Variants in ANKDD1A observed in about 807,000 individuals in gnomAD.
The protein encoded by ANKDD1A is ankyrin repeat and death domain-containing protein 1A.
ANKDD1A carries 59 observed loss-of-function variants against 63.5 expected under a neutral mutation model. The observed-to-expected ratio is 0.93, with a 90% confidence interval of 0.75 to 1.15. The LOEUF (loss-of-function observed/expected upper bound fraction) is 1.15, where lower values mean the gene tolerates loss of function less well. Ranked by LOEUF, ANKDD1A falls within the 50% of genes most tolerant of loss-of-function variation. The probability of loss-of-function intolerance (pLI) is 0.00; values close to 1 mark genes in which losing one functional copy is unlikely to be tolerated. For missense variants in ANKDD1A, 632 were observed against 656.4 expected (o/e 0.96, Z 0.41); for synonymous variants, 266 against 263.9 (o/e 1.01, Z -0.08).
chr15:64,936,986 A>G (rs1384055306), intron 9 of ANKDD1A, among the ~76,000 whole-genome samples: 1 of 152,250 alleles, frequency 6.6e-6, no homozygotes, highest in African/African-American at 2.4e-5. Context: ...GCAAATTAAT[A>G]CTACATGGAG....
At chr15:64,941,439 T>G (rs1321855013) in intron 9 of ANKDD1A, among the ~76,000 whole-genome samples, 2 of 152,216 alleles carry the variant, frequency 1.3e-5, no homozygotes, top group East Asian at 3.9e-4. Flanking sequence ...TGCTGTGTTG[T>G]GACATGATGG....
rs551524029 is a variant in ANKDD1A, at chr15:64,956,948, T to C, written c.1484-155T>C. On this transcript the variant is annotated intron_variant, in intron 14 of 14. Coordinates refer to ENST00000319580, the MANE Select transcript of ANKDD1A (RefSeq NM_182703.6). The stretch of plus-strand genomic sequence containing the variant: ...TAGGGAAAAAATAGACAACTTTACC[T>C]ACCACTAAGTTATATTTAATCAGCA... Among the ~76,000 whole-genome samples, 47 of 152,370 alleles carry C rather than the reference T, an allele frequency of 3.1e-4. No individual in the cohort carries two copies. The Middle Eastern group carries it at 0.01, about 33-fold the overall frequency.
chr15:64,914,344 A>G (rs2084954357), intron 1 of ANKDD1A, among the ~76,000 whole-genome samples: 1 of 152,158 alleles, frequency 6.6e-6, no homozygotes, highest in Admixed American at 6.5e-5. Flanking sequence ...TGGAGTGCAG[A>G]GGTGCAATTA....
chr15:64,942,046 A>G (rs1341759138), intron 9 of ANKDD1A, among the ~76,000 whole-genome samples: 1 of 152,156 alleles, frequency 6.6e-6, no homozygotes, highest in African/African-American at 2.4e-5. Flanking sequence ...TCTGTTTGTA[A>G]GATGAAGATA....
Position 64,953,799 on chromosome 15 carries a change from TTCCTTTTTTTCTTC to T in ANKDD1A, c.1484-3302_1484-3289del, listed in dbSNP as rs2085359626. Among the ~76,000 whole-genome samples, 8 of 131,736 alleles carry T rather than the reference TTCCTTTTTTTCTTC, an allele frequency of 6.1e-5. No individual in the cohort carries two copies. The Admixed American group carries it at 6.5e-4, about 11-fold the overall frequency. 86.4% of individuals were successfully genotyped at this position (131,736 alleles called of 152,430 possible). ...CTCTTTTCTTTCTTCTGCTTTCTTC[TTCCTTTTTTTCTTC>T]TTCCTTATTCTTTTCTTCTTTCCTC... is the stretch of plus-strand genomic sequence containing the variant. On this transcript the variant is annotated intron_variant, in intron 14 of 14. Transcript: ENST00000319580.
chr15:64,947,858 C>T (rs919797050), intron 13 of ANKDD1A, among the ~76,000 whole-genome samples: 2 of 152,214 alleles, frequency 1.3e-5, no homozygotes, highest in African/African-American at 4.8e-5. Flanking sequence ...AAACTAAAAC[C>T]ATTCTTGGTA....
chr15:64,955,245 G>A lies in ANKDD1A; in HGVS notation c.1484-1858G>A, dbSNP rs571782523. Among the ~76,000 whole-genome samples, 3 of 152,114 alleles carry A rather than the reference G, an allele frequency of 2.0e-5. No individual in the cohort carries two copies. The South Asian group carries it at 6.2e-4, about 32-fold the overall frequency. On this transcript the variant is annotated intron_variant, in intron 14 of 14. Transcript: ENST00000319580. ...ATGTTTTGTATTTTCAGTAGAGACGGGGTTTCACTGTGTTAGCCAGGATGG... is the reference window on the plus strand; with the variant it reads ...ATGTTTTGTATTTTCAGTAGAGACGAGGTTTCACTGTGTTAGCCAGGATGG...
intron 4 of ANKDD1A, among the ~76,000 whole-genome samples, chr15:64,923,483 A>AT (rs1035139317): frequency 1.1e-4 from 17 of 151,340 alleles, no homozygotes; most frequent in South Asian, 6.3e-4. Context: ...TTCCTGTATA[A>AT]TTTTTTTTTG....
intron 14 of ANKDD1A, among the ~76,000 whole-genome samples, chr15:64,953,206 T>C (rs62650570): frequency 2.0e-5 from 2 of 100,048 alleles, no homozygotes; most frequent in Non-Finnish European, 4.5e-5. Context: ...TATTCTTTCT[T>C]CTCCTTCTTT....
chr15:64,918,779 C>T (rs1415183736), intron 3 of ANKDD1A, among the ~76,000 whole-genome samples: 1 of 152,004 alleles, frequency 6.6e-6, no homozygotes, highest in Non-Finnish European at 1.5e-5. Context: ...CATTTCGAAA[C>T]CCCGTCTCTA....
intron 4 of ANKDD1A, among the ~76,000 whole-genome samples, chr15:64,923,535 C>T (rs1595847789): frequency 6.6e-6 from 1 of 152,048 alleles, no homozygotes; most frequent in East Asian, 1.9e-4. Context: ...TAGGCTTCAC[C>T]AGATGTAAAA....
chr15:64,923,213 G>A (rs966748070), intron 4 of ANKDD1A, among the ~76,000 whole-genome samples: 4 of 152,054 alleles, frequency 2.6e-5, no homozygotes, highest in Non-Finnish European at 4.4e-5. Flanking sequence ...TGTGATGAAG[G>A]AGGCAGGGCT....
chr15:64,923,401 T>A (rs939508126), intron 4 of ANKDD1A, among the ~76,000 whole-genome samples: 26 of 152,322 alleles, frequency 1.7e-4, no homozygotes, highest in Non-Finnish European at 2.9e-5. Flanking sequence ...CCATGAAGCT[T>A]ATAGTAATTT....
intron 14 of ANKDD1A, among the ~76,000 whole-genome samples, chr15:64,951,868 TTTTC>T (rs545653503): frequency 1.4e-5 from 1 of 70,530 alleles, no homozygotes; most frequent in African/African-American, 3.7e-5. Flanking sequence ...TTCCTCTTCT[TTTTC>T]TTTCTTCTTT....
intron 9 of ANKDD1A, among the ~76,000 whole-genome samples, chr15:64,937,286 T>C (rs1222754889): frequency 6.6e-6 from 1 of 152,254 alleles, no homozygotes; most frequent in African/African-American, 2.4e-5. Flanking sequence ...TTGACAGATA[T>C]ACTTCCACAT....
Position 64,917,519 on chromosome 15 carries a change from G to GTC in ANKDD1A, c.267+6_267+7insCT, listed in dbSNP as rs1567109412. 4 of 1,529,112 alleles carry GTC rather than the reference G, an allele frequency of 2.6e-6. No individual in the cohort carries two copies. Among genetic ancestry groups the GTC allele is most frequent in the South Asian group, 2.5e-5 (2 of 79,624 alleles). The allele number at this position is 1,529,112 out of a possible 1,614,324, so 94.7% of individuals were successfully genotyped here. A position where few individuals can be genotyped will look rare whatever the true frequency, so the allele number is the denominator to read the frequency against. On this transcript the variant is annotated splice_donor_region_variant and intron_variant, in intron 3 of 14. Coordinates refer to ENST00000319580, the MANE Select transcript of ANKDD1A (RefSeq NM_182703.6). ...CTCACAGAGGCACGTCTGTGTGTAC[G>GTC]TGTCTGTCTGTCTGTCTGTCTCAGG... is the stretch of plus-strand genomic sequence containing the variant.
In ANKDD1A at chr15:64,927,009, C is replaced by G. The variant is rs200881619; in HGVS notation, c.570+10C>G. On this transcript the variant is annotated intron_variant, in intron 6 of 14. Transcript: ENST00000319580. The stretch of plus-strand genomic sequence containing the variant: ...CAATGTCAAAGACAAGGTACCGTGT[C>G]CGTGAGGCTCTGGGATCCTGACCAG... 9.2e-5 allele frequency: 149 copies of G among 1,614,046 alleles called. No homozygotes were observed. In the Middle Eastern group the frequency reaches 9.9e-4, roughly 11 times the overall value.
Position 64,933,126 on chromosome 15 carries a change from G to A in ANKDD1A, c.769-1010G>A, listed in dbSNP as rs555155405. Reference sequence around the variant, plus strand: ...TCAGAATGTCATGCCACAGGGTCTCGGAGGAGGTGCCAAGCCCACGGTGAC... The same window carrying A: ...TCAGAATGTCATGCCACAGGGTCTCAGAGGAGGTGCCAAGCCCACGGTGAC... On this transcript the variant is annotated intron_variant, in intron 8 of 14. Coordinates refer to ENST00000319580, the MANE Select transcript of ANKDD1A (RefSeq NM_182703.6). Among the ~76,000 whole-genome samples the A allele has an allele frequency of 1.2e-4, 19 of 152,170 alleles. No homozygotes were observed. In the East Asian group the frequency reaches 1.4e-3, roughly 11 times the overall value.
chr15:64,954,724 CCTCCTTCTTCTTCCTT>C lies in ANKDD1A; in HGVS notation c.1484-2366_1484-2351del, dbSNP rs1368952104. Among the ~76,000 whole-genome samples, 48 of 93,588 alleles carry C rather than the reference CCTCCTTCTTCTTCCTT, an allele frequency of 5.1e-4. 1 individual carries two copies. Among genetic ancestry groups the C allele is most frequent in the Middle Eastern group, 0.013 (2 of 158 alleles). 61.4% of individuals were successfully genotyped at this position (93,588 alleles called of 152,430 possible). ...TTCTCCTTCTTCTTCTCCTTCTCCTCCTCCTTCTTCTTCCTTCTCCTTCTTCTTTCTTTTTGTTCTT... is the reference window on the plus strand; with the variant it reads ...TTCTCCTTCTTCTTCTCCTTCTCCTCCTCCTTCTTCTTTCTTTTTGTTCTT... On this transcript the variant is annotated intron_variant, in intron 14 of 14. Transcript: ENST00000319580.
Sources: gnomAD v4.1 joint callset for allele counts (sites outside exome capture counted in the v4.1 genomes callset) on GRCh38, gnomAD v4.1.1 for gene constraint, MANE v1.5 for transcripts, NCBI Gene and HGNC (gene_info 2026-07-23, HGNC 2026-07-21) for gene names.